VAMP7: variants seen among roughly 807,000 people sequenced by gnomAD.
The protein encoded by VAMP7 is vesicle associated membrane protein 7.
Under a neutral mutation model 29.6 loss-of-function variants are expected in VAMP7, and 14 were observed. The ratio of observed to expected loss-of-function variants is 0.47; its 90% CI spans 0.31 to 0.74. The LOEUF (loss-of-function observed/expected upper bound fraction) is 0.74. VAMP7 is among the 30% of genes least tolerant of loss of function. VAMP7 has a pLI of 0.05. For synonymous variants in VAMP7, 95 were observed against 88.1 expected (o/e 1.08, Z -0.44); for missense variants, 223 against 262.4 (o/e 0.85, Z 1.04).
intron 6 of VAMP7, among the ~76,000 whole-genome samples, chrX:155,921,233 ATC>A (rs1196665809): frequency 1.1e-4 from 17 of 152,294 alleles, no homozygotes; most frequent in Non-Finnish European, 2.1e-4. Flanking sequence ...ACTAACAGGT[ATC>A]TCTCTTTATG....
At position 155,931,172 on chromosome X, in the gene VAMP7, C is replaced by T. The variant is rs1227946785; in HGVS notation, c.502-8529C>T. ...TGTGAATAGTGCCACGATAAACATACGTGTGCATGTGTCTTGATAGCAGCA... is the reference window on the plus strand; with the variant it reads ...TGTGAATAGTGCCACGATAAACATATGTGTGCATGTGTCTTGATAGCAGCA... On this transcript the variant is annotated intron_variant, in intron 6 of 7. Transcript: ENST00000286448. Among the ~76,000 whole-genome samples the T allele has an allele frequency of 5.9e-5, 9 of 152,220 alleles. No individual in the cohort carries two copies. In the South Asian group the frequency reaches 6.2e-4, roughly 11 times the overall value.
chrX:155,913,933 G>A (rs940149557), intron 5 of VAMP7, among the ~76,000 whole-genome samples: 1 of 152,072 alleles, frequency 6.6e-6, no homozygotes, highest in African/African-American at 2.4e-5. Flanking sequence ...AGCTGGATGG[G>A]GATAGCATTG....
intron 6 of VAMP7, among the ~76,000 whole-genome samples, chrX:155,932,266 G>A (rs2066570847): frequency 6.6e-6 from 1 of 152,128 alleles, no homozygotes; most frequent in African/African-American, 2.4e-5. Flanking sequence ...TAGCTTGATA[G>A]GGATGGCATT....
chrX:155,904,338 A>G (rs1232295382), intron 5 of VAMP7, among the ~76,000 whole-genome samples: 1 of 146,992 alleles, frequency 6.8e-6, no homozygotes, highest in Non-Finnish European at 1.5e-5. Context: ...CATGTACCCT[A>G]AAACTTAAAG....
intron 7 of VAMP7, among the ~76,000 whole-genome samples, chrX:155,940,189 G>A (rs2066723526): frequency 6.6e-6 from 1 of 151,944 alleles, no homozygotes; most frequent in Non-Finnish European, 1.5e-5. Context: ...GAACTCTTTG[G>A]AGTCCTCAGT....
In VAMP7 at chrX:155,898,185, G is replaced by A. The variant is rs2066012452; in HGVS notation, c.278G>A (p.Arg93Lys). ...KKRFQTTYGS[R>K]AQTALPYAMN... is the part of the protein sequence containing the mutation. ...AGGTTCCAGACTACTTACGGTTCAA[G>A]AGCACAGACAGCACTTCCATATGCC... is the stretch of plus-strand genomic sequence containing the variant. Residue 93 changes from arginine to lysine, a missense_variant, in exon 4 of 8, where the codon AGA becomes AAA. Arg to Lys is a conservative substitution (Grantham distance 26). Coordinates refer to ENST00000286448, the MANE Select transcript of VAMP7 (RefSeq NM_005638.6). 6.2e-7 allele frequency: 1 copy of A among 1,613,524 alleles called. No individual in the cohort carries two copies. Among genetic ancestry groups the A allele is most frequent in the Non-Finnish European group, 8.5e-7 (1 of 1,179,680 alleles).
intron 5 of VAMP7, among the ~76,000 whole-genome samples, chrX:155,912,701 T>C (rs1477440565): frequency 6.6e-6 from 1 of 152,188 alleles, no homozygotes; most frequent in Non-Finnish European, 1.5e-5. Flanking sequence ...CCTCCTTTTT[T>C]ATGGCTGCAT....
chrX:155,895,580 G>A (rs1369619515), intron 2 of VAMP7, 43 bp from the exon 3 acceptor site: 23 of 1,459,418 alleles, frequency 1.6e-5, no homozygotes, highest in Non-Finnish European at 1.9e-5. Flanking sequence ...TAAAAGTGAT[G>A]TTGCTTATAA....
At chrX:155,939,857 A>G (rs1389335828) in intron 7 of VAMP7, 64 bp downstream of exon 7, 1 of 1,290,552 alleles carries the variant, frequency 7.7e-7, no homozygotes, top group Non-Finnish European at 1.1e-6. Flanking sequence ...AGGTACTAGA[A>G]TTATTTCTCA....
chrX:155,927,162 T>C (rs955703672), intron 6 of VAMP7, among the ~76,000 whole-genome samples: 3 of 150,590 alleles, frequency 2.0e-5, no homozygotes, highest in East Asian at 1.9e-4. Flanking sequence ...TAAGTGGGAG[T>C]TGAACAATGA....
intron 1 of VAMP7, among the ~76,000 whole-genome samples, chrX:155,888,930 G>A (rs546395205): frequency 2.0e-5 from 3 of 152,272 alleles, no homozygotes; most frequent in Middle Eastern, 3.4e-3. Context: ...TCATTGAGTT[G>A]TGAGGATTAA....
At chrX:155,940,583 C>T (rs1480867116) in intron 7 of VAMP7, among the ~76,000 whole-genome samples, 1 of 152,152 alleles carries the variant, frequency 6.6e-6, no homozygotes, top group Non-Finnish European at 1.5e-5. Context: ...TTGATTTGTG[C>T]AGCTGAATTG....
At chrX:155,931,943 A>C (rs1460643578) in intron 6 of VAMP7, among the ~76,000 whole-genome samples, 2 of 152,286 alleles carry the variant, frequency 1.3e-5, no homozygotes, top group South Asian at 2.1e-4. Context: ...CAGTTTTCCC[A>C]GCACCATTTG....
chrX:155,897,792 A>T lies in VAMP7; in HGVS notation c.205-320A>T, dbSNP rs754486950. On this transcript the variant is annotated intron_variant, in intron 3 of 7. Coordinates refer to ENST00000286448, the MANE Select transcript of VAMP7 (RefSeq NM_005638.6). The stretch of plus-strand genomic sequence containing the variant: ...TGTGCTGGGCCTTCTAATAGATCTT[A>T]TGAAATATATGGAGGAAGTAAAATT... Among the ~76,000 whole-genome samples, 13 of 152,296 alleles carry T rather than the reference A, an allele frequency of 8.5e-5. No homozygotes were observed. In the East Asian group the frequency reaches 2.5e-3, roughly 29 times the overall value.
At chrX:155,912,077 A>T (rs2066245167) in intron 5 of VAMP7, among the ~76,000 whole-genome samples, 1 of 152,044 alleles carries the variant, frequency 6.6e-6, no homozygotes, top group Admixed American at 6.6e-5. Flanking sequence ...CTTAGAGGAA[A>T]GGCTTTTCGT....
At chrX:155,929,799 T>C (rs1017199373) in intron 6 of VAMP7, among the ~76,000 whole-genome samples, 2 of 152,118 alleles carry the variant, frequency 1.3e-5, no homozygotes, top group African/African-American at 4.8e-5. Context: ...AGCCATCCAC[T>C]CACGCTGGAG....
intron 6 of VAMP7, among the ~76,000 whole-genome samples, chrX:155,936,029 C>G (rs1186457621): frequency 5.3e-5 from 8 of 151,802 alleles, no homozygotes. Flanking sequence ...TTGCTGAACA[C>G]CAAATGTTGC....
At chrX:155,935,060 C>G (rs906633900) in intron 6 of VAMP7, among the ~76,000 whole-genome samples, 1 of 152,096 alleles carries the variant, frequency 6.6e-6, no homozygotes, top group East Asian at 1.9e-4. Context: ...GAGTTTCTGC[C>G]GAGAGATCAG....
chrX:155,894,813 G>A (rs185583293), intron 2 of VAMP7, among the ~76,000 whole-genome samples: 18 of 151,922 alleles, frequency 1.2e-4, no homozygotes, highest in Non-Finnish European at 2.4e-4. Flanking sequence ...ACGGGGTTTT[G>A]CCATGTTGCC....
Sources: allele counts gnomAD v4.1 joint callset (sites outside exome capture counted in the v4.1 genomes callset), GRCh38; gene constraint gnomAD v4.1.1; transcripts MANE v1.5; gene names NCBI Gene and HGNC (gene_info 2026-07-23, HGNC 2026-07-21).